Variants in GPM6A observed in about 807,000 individuals in gnomAD.
The protein encoded by GPM6A is glycoprotein M6A, also known as neuronal membrane glycoprotein M6-a.
GPM6A carries 7 observed loss-of-function variants against 32.1 expected under a neutral mutation model. The observed-to-expected ratio is 0.22, with a 90% confidence interval of 0.12 to 0.41. The LOEUF (loss-of-function observed/expected upper bound fraction) is 0.41, where lower values mean the gene tolerates loss of function less well. Ranked by LOEUF, GPM6A falls within the 10% of genes least tolerant of loss-of-function variation. The pLI, the probability that GPM6A is intolerant of heterozygous loss-of-function variation, is 1.00. For synonymous variants in GPM6A, 130 were observed against 123.4 expected, an observed-to-expected ratio of 1.05 and a Z score of -0.35; for missense variants, 235 against 347.2, an observed-to-expected ratio of 0.68 and a Z score of 2.57.
At chr4:175,899,487 A>C (rs1285704457) in intron 1 of GPM6A, among the ~76,000 whole-genome samples, 1 of 152,174 alleles carries the variant, frequency 6.6e-6, no homozygotes, top group Non-Finnish European at 1.5e-5. Context: ...ACAGATTATG[A>C]TAACCAAAAC....
At chr4:175,775,316 G>T (rs1371911700) in intron 1 of GPM6A, among the ~76,000 whole-genome samples, 1 of 152,104 alleles carries the variant, frequency 6.6e-6, no homozygotes, top group African/African-American at 2.4e-5. Flanking sequence ...CAGATATTTT[G>T]TAGTGCTGAA....
At chr4:175,906,069 A>G (rs1738123084) in intron 1 of GPM6A, among the ~76,000 whole-genome samples, 1 of 152,150 alleles carries the variant, frequency 6.6e-6, no homozygotes, top group African/African-American at 2.4e-5. Context: ...TTTAAGGCCC[A>G]TTAAGTCATC....
chr4:175,699,410 T>C (rs1371911511), intron 2 of GPM6A, among the ~76,000 whole-genome samples: 2 of 152,168 alleles, frequency 1.3e-5, no homozygotes, highest in African/African-American at 4.8e-5. Flanking sequence ...TGTCTACTAA[T>C]GCTTAAAGGA....
chr4:175,801,518 C>A (rs1375503736), intron 1 of GPM6A, among the ~76,000 whole-genome samples: 1 of 151,924 alleles, frequency 6.6e-6, no homozygotes, highest in Non-Finnish European at 1.5e-5. Flanking sequence ...TACCTAAAGG[C>A]TGAAGCAAAA....
intron 1 of GPM6A, among the ~76,000 whole-genome samples, chr4:175,747,141 G>A (rs1470194122): frequency 4.6e-5 from 7 of 151,834 alleles, no homozygotes; most frequent in Non-Finnish European, 7.4e-5. Context: ...GTGGTGACAC[G>A]TGCCTGTAAT....
At chr4:175,930,196 C>T (rs970501465) in intron 1 of GPM6A, among the ~76,000 whole-genome samples, 2 of 151,968 alleles carry the variant, frequency 1.3e-5, no homozygotes, top group South Asian at 2.1e-4. Flanking sequence ...CATCTTCTTT[C>T]GTTAATAACA....
At chr4:175,713,789 A>G (rs936217812) in intron 1 of GPM6A, among the ~76,000 whole-genome samples, 1 of 152,186 alleles carries the variant, frequency 6.6e-6, no homozygotes, top group African/African-American at 2.4e-5. Flanking sequence ...GCATTTTTGT[A>G]TCCTCTAGTA....
intron 1 of GPM6A, among the ~76,000 whole-genome samples, chr4:175,805,469 C>T (rs1428318326): frequency 6.6e-6 from 1 of 152,086 alleles, no homozygotes; most frequent in East Asian, 1.9e-4. Context: ...AAAGCATGAC[C>T]ATCCCCTTTT....
At chr4:175,727,861 G>T (rs1376579217) in intron 1 of GPM6A, among the ~76,000 whole-genome samples, 1 of 151,982 alleles carries the variant, frequency 6.6e-6, no homozygotes, top group Non-Finnish European at 1.5e-5. Context: ...AAAATCAGTT[G>T]GGCATGGTGG....
At chr4:175,829,758 A>C (rs2111364893) in intron 1 of GPM6A, among the ~76,000 whole-genome samples, 1 of 148,480 alleles carries the variant, frequency 6.7e-6, no homozygotes, top group Non-Finnish European at 1.5e-5. Flanking sequence ...AGATATATAT[A>C]TCTTACTCAT....
At chr4:175,744,494 T>C (rs1732019082) in intron 1 of GPM6A, among the ~76,000 whole-genome samples, 1 of 151,976 alleles carries the variant, frequency 6.6e-6, no homozygotes, top group African/African-American at 2.4e-5. Context: ...ATCAATATAA[T>C]ATAAAAATTT....
At chr4:175,745,845 ACTT>A (rs1307198663) in intron 1 of GPM6A, among the ~76,000 whole-genome samples, 1 of 152,238 alleles carries the variant, frequency 6.6e-6, no homozygotes, top group East Asian at 1.9e-4. Flanking sequence ...AGTTGGGAAG[ACTT>A]CTTCATGTGA....
chr4:175,671,229 C>A (rs1384232906), intron 3 of GPM6A, among the ~76,000 whole-genome samples: 2 of 151,406 alleles, frequency 1.3e-5, no homozygotes, highest in Non-Finnish European at 2.9e-5. Context: ...ACTTTTTATG[C>A]AGCAGAGAGA....
intron 1 of GPM6A, among the ~76,000 whole-genome samples, chr4:175,860,984 CA>C (rs140602123): frequency 0.13 from 18,984 of 150,078 alleles, 1,403 homozygotes; most frequent in East Asian, 0.25. Context: ...AGGCCTGTAA[CA>C]AAAAAAAACA....
chr4:175,878,394 A>C, intron 1 of GPM6A, among the ~76,000 whole-genome samples: 1 of 152,176 alleles, frequency 6.6e-6, no homozygotes, highest in Admixed American at 6.5e-5. Context: ...ACATCTGCTT[A>C]GATACCCAGA....
intron 1 of GPM6A, among the ~76,000 whole-genome samples, chr4:175,961,716 A>G (rs1189782873): frequency 6.6e-6 from 1 of 152,166 alleles, no homozygotes; most frequent in Non-Finnish European, 1.5e-5. Context: ...GGAGAGTGAG[A>G]GAGCAGCTCT....
intron 2 of GPM6A, among the ~76,000 whole-genome samples, chr4:175,680,523 A>AT (rs1291545312): frequency 2.0e-5 from 3 of 151,990 alleles, no homozygotes; most frequent in Non-Finnish European, 4.4e-5. Flanking sequence ...GGATTAGTGT[A>AT]TTTTTTCTTC....
intron 1 of GPM6A, among the ~76,000 whole-genome samples, chr4:175,981,347 AT>A (rs1579683944): frequency 6.6e-6 from 1 of 152,182 alleles, no homozygotes; most frequent in Admixed American, 6.5e-5. Context: ...TCACATAAAC[AT>A]CATTGTAATT....
intron 1 of GPM6A, among the ~76,000 whole-genome samples, chr4:175,844,566 C>T (rs1473235864): frequency 6.6e-6 from 1 of 152,086 alleles, no homozygotes; most frequent in Non-Finnish European, 1.5e-5. Flanking sequence ...TTATAGATGC[C>T]TATTCTCACA....
Sources: gnomAD v4.1 joint callset for allele counts (sites outside exome capture counted in the v4.1 genomes callset) on GRCh38, gnomAD v4.1.1 for gene constraint, MANE v1.5 for transcripts, NCBI Gene and HGNC (gene_info 2026-07-23, HGNC 2026-07-21) for gene names.